The following ABTB3 variants were observed in gnomAD, a reference collection of about 807,000 sequenced individuals.
ABTB3 encodes ankyrin repeat- and BTB/POZ domain-containing protein 3.
chr12:107,600,305 A>C, the ABTB3 span, among the ~76,000 whole-genome samples: 2 of 152,240 alleles, frequency 1.3e-5, no homozygotes. Flanking sequence ...TGAGCACAAC[A>C]GTCCACAGTT....
chr12:107,334,388 C>T, the ABTB3 span, among the ~76,000 whole-genome samples: 8 of 152,060 alleles, frequency 5.3e-5, no homozygotes, highest in East Asian at 1.9e-4. Flanking sequence ...CCTGTTGATA[C>T]GTTGGGTGTG....
the ABTB3 span, among the ~76,000 whole-genome samples, chr12:107,522,622 T>G: frequency 6.6e-6 from 1 of 151,958 alleles, no homozygotes; most frequent in Non-Finnish European, 1.5e-5. Flanking sequence ...ACATTTTATT[T>G]GCTCACTGAT....
the ABTB3 span, among the ~76,000 whole-genome samples, chr12:107,360,575 C>T: frequency 6.6e-6 from 1 of 152,224 alleles, no homozygotes; most frequent in Non-Finnish European, 1.5e-5. Flanking sequence ...ACAACCCTGC[C>T]CTGACTTGTT....
chr12:107,491,321 A>C, the ABTB3 span, among the ~76,000 whole-genome samples: 20 of 152,312 alleles, frequency 1.3e-4, 1 homozygote, highest in South Asian at 3.9e-3. Context: ...GATAAGAGGG[A>C]ACATGGTACC....
chr12:107,329,450 C>T, the ABTB3 span, among the ~76,000 whole-genome samples: 1 of 152,168 alleles, frequency 6.6e-6, no homozygotes, highest in Non-Finnish European at 1.5e-5. Context: ...TAATATTGGA[C>T]ACATCATAAG....
the ABTB3 span, among the ~76,000 whole-genome samples, chr12:107,424,138 C>T: frequency 6.6e-6 from 1 of 152,152 alleles, no homozygotes; most frequent in East Asian, 1.9e-4. Context: ...ACAACAATAA[C>T]AACAACAAAA....
chr12:107,437,081 G>T, the ABTB3 span, among the ~76,000 whole-genome samples: 1 of 152,158 alleles, frequency 6.6e-6, no homozygotes, highest in Non-Finnish European at 1.5e-5. Context: ...GAAAGCCTGG[G>T]CTGTGGATGG....
At chr12:107,542,259 C>A in the ABTB3 span, among the ~76,000 whole-genome samples, 85 of 148,824 alleles carry the variant, frequency 5.7e-4, no homozygotes, top group African/African-American at 2.0e-3. Context: ...TTGCAGTGAG[C>A]CGAGATCGCA....
chr12:107,330,360 C>G, the ABTB3 span, among the ~76,000 whole-genome samples: 2 of 152,130 alleles, frequency 1.3e-5, no homozygotes, highest in African/African-American at 4.8e-5. Context: ...TGTGGGAAGG[C>G]TGGTTAGGTA....
At chr12:107,513,650 A>G in the ABTB3 span, among the ~76,000 whole-genome samples, 2 of 152,160 alleles carry the variant, frequency 1.3e-5, no homozygotes, top group Non-Finnish European at 2.9e-5. Flanking sequence ...GTGAAAATGG[A>G]CTAATATAGC....
the ABTB3 span, among the ~76,000 whole-genome samples, chr12:107,479,775 G>T: frequency 6.6e-6 from 1 of 152,152 alleles, no homozygotes; most frequent in African/African-American, 2.4e-5. Context: ...ATTATAGCCT[G>T]TAGGAGAGTC....
At chr12:107,342,674 C>T in the ABTB3 span, among the ~76,000 whole-genome samples, 3 of 152,286 alleles carry the variant, frequency 2.0e-5, no homozygotes, top group African/African-American at 7.2e-5. Context: ...AACCTCTGCT[C>T]CTCCTAGGCA....
the ABTB3 span, among the ~76,000 whole-genome samples, chr12:107,646,182 T>A: frequency 6.6e-6 from 1 of 152,226 alleles, no homozygotes; most frequent in Admixed American, 6.5e-5. Flanking sequence ...GGTTGGCAGC[T>A]GCCAAGAAAA....
the ABTB3 span, among the ~76,000 whole-genome samples, chr12:107,503,921 T>C: frequency 6.6e-6 from 1 of 152,120 alleles, no homozygotes; most frequent in South Asian, 2.1e-4. Context: ...ATATCTGGGC[T>C]ACTTTCATGT....
At chr12:107,530,433 A>T in the ABTB3 span, among the ~76,000 whole-genome samples, 2 of 152,232 alleles carry the variant, frequency 1.3e-5, no homozygotes, top group Non-Finnish European at 2.9e-5. Flanking sequence ...TACAAGTAGC[A>T]CATGCCATAA....
the ABTB3 span, among the ~76,000 whole-genome samples, chr12:107,604,434 GA>G: frequency 0.11 from 17,068 of 150,806 alleles, 1,151 homozygotes; most frequent in African/African-American, 0.17. Flanking sequence ...ACAACAGAGA[GA>G]AAAAAAAATA....
the ABTB3 span, among the ~76,000 whole-genome samples, chr12:107,495,046 G>T: frequency 6.6e-6 from 1 of 152,162 alleles, no homozygotes. Flanking sequence ...GCAACCAGGG[G>T]AAGGTAGGGG....
chr12:107,442,961 C>G, the ABTB3 span, among the ~76,000 whole-genome samples: 5 of 152,164 alleles, frequency 3.3e-5, no homozygotes, highest in African/African-American at 9.7e-5. Flanking sequence ...CTTCCTGGTC[C>G]ATAGAGCGCA....
chr12:107,470,495 C>T, the ABTB3 span, among the ~76,000 whole-genome samples: 1 of 152,086 alleles, frequency 6.6e-6, no homozygotes, highest in Non-Finnish European at 1.5e-5. Flanking sequence ...TGTCCTTTGC[C>T]CCGAGGAGGG....
Sources: allele counts gnomAD v4.1 joint callset (sites outside exome capture counted in the v4.1 genomes callset), GRCh38; gene constraint gnomAD v4.1.1; transcripts MANE v1.5; gene names NCBI Gene and HGNC (gene_info 2026-07-23, HGNC 2026-07-21).